DYM: variants seen among roughly 807,000 people sequenced by gnomAD.
DYM encodes dymeclin, also known as dyggve-Melchior-Clausen syndrome protein.
In DYM, 78 loss-of-function variants were observed where a neutral mutation model predicts 93.1. That is an observed-to-expected ratio of 0.84 (90% CI 0.70 to 1.01). DYM has a LOEUF of 1.01. DYM is among the 50% of genes least tolerant of loss of function. The pLI, the probability that DYM is intolerant of heterozygous loss-of-function variation, is 0.00. For synonymous variants in DYM, 321 were observed against 319.7 expected (o/e 1.00, Z -0.04); for missense variants, 789 against 845.0 (o/e 0.93, Z 0.82).
intron 13 of DYM, among the ~76,000 whole-genome samples, chr18:49,237,422 G>C (rs2093904324): frequency 6.6e-6 from 1 of 151,598 alleles, no homozygotes; most frequent in African/African-American, 2.4e-5. Context: ...TTTTTAAATT[G>C]CATATACGCA....
chr18:49,286,653 C>T, intron 8 of DYM, 37 bp from the exon 9 acceptor site: 1 of 1,587,110 alleles, frequency 6.3e-7, no homozygotes, highest in Non-Finnish European at 8.6e-7. Context: ...TGTGCTGCCA[C>T]CAATGAGATG....
intron 9 of DYM, among the ~76,000 whole-genome samples, chr18:49,283,084 G>GTAGTC (rs2095031005): frequency 6.6e-6 from 1 of 152,168 alleles, no homozygotes; most frequent in South Asian, 2.1e-4. Context: ...ACAACATAGT[G>GTAGTC]TAGTCTAGCC....
intron 14 of DYM, among the ~76,000 whole-genome samples, chr18:49,190,551 T>C (rs1404718594): frequency 2.6e-5 from 4 of 152,224 alleles, no homozygotes; most frequent in Non-Finnish European, 5.9e-5. Context: ...GAACTTCCTA[T>C]TGGCATATAG....
chr18:49,343,038 T>C (rs1000846710), intron 6 of DYM, among the ~76,000 whole-genome samples: 2 of 152,226 alleles, frequency 1.3e-5, no homozygotes, highest in African/African-American at 4.8e-5. Context: ...ACAGAATGAT[T>C]TTGTGGGGAG....
At chr18:49,261,488 T>A (rs1335955140) in intron 11 of DYM, among the ~76,000 whole-genome samples, 29 of 152,192 alleles carry the variant, frequency 1.9e-4, no homozygotes, top group Non-Finnish European at 2.8e-4. Flanking sequence ...CTGGCCAACA[T>A]GGTGAAACCC....
intron 2 of DYM, among the ~76,000 whole-genome samples, chr18:49,421,821 G>A (rs2073746563): frequency 6.6e-6 from 1 of 152,192 alleles, no homozygotes; most frequent in Non-Finnish European, 1.5e-5. Flanking sequence ...TGACCTTATG[G>A]AGCTGAAAAC....
chr18:49,135,084 G>A (rs1363847501), intron 15 of DYM, among the ~76,000 whole-genome samples: 2 of 151,912 alleles, frequency 1.3e-5, no homozygotes, highest in African/African-American at 4.8e-5. Context: ...ATCCAGCCTG[G>A]GCAACAAGAG....
At chr18:49,395,481 A>T (rs12607864) in intron 2 of DYM, among the ~76,000 whole-genome samples, 13,843 of 151,834 alleles carry the variant, frequency 0.091, 843 homozygotes, top group East Asian at 0.31. Flanking sequence ...AATACAAAAT[A>T]AGCCAGGTGT....
At chr18:49,110,240 C>T (rs1367652112) in intron 16 of DYM, among the ~76,000 whole-genome samples, 2 of 152,200 alleles carry the variant, frequency 1.3e-5, no homozygotes, top group Non-Finnish European at 2.9e-5. Flanking sequence ...CTTCTTCCAA[C>T]AGTCAATTAT....
At chr18:49,236,830 A>T (rs1328263233) in intron 13 of DYM, among the ~76,000 whole-genome samples, 1 of 152,206 alleles carries the variant, frequency 6.6e-6, no homozygotes, top group Non-Finnish European at 1.5e-5. Context: ...AGATTAGTCC[A>T]AACCATCTGC....
chr18:49,296,639 C>G (rs1015435169), intron 8 of DYM, among the ~76,000 whole-genome samples: 2 of 152,116 alleles, frequency 1.3e-5, no homozygotes, highest in Non-Finnish European at 2.9e-5. Context: ...ATGACTAGAA[C>G]TGACCATTGG....
intron 17 of DYM, among the ~76,000 whole-genome samples, chr18:49,090,126 T>A (rs1000395461): frequency 6.6e-6 from 1 of 152,236 alleles, no homozygotes; most frequent in Non-Finnish European, 1.5e-5. Context: ...CCGGATCCAT[T>A]TATAAGCCTG....
At chr18:49,145,128 T>TAC (rs2084961156) in intron 15 of DYM, among the ~76,000 whole-genome samples, 1 of 112,386 alleles carries the variant, frequency 8.9e-6, no homozygotes, top group African/African-American at 3.7e-5. Context: ...TATATATATA[T>TAC]ATATATAATT....
chr18:49,331,448 T>C (rs1212313541), intron 8 of DYM, among the ~76,000 whole-genome samples: 1 of 152,244 alleles, frequency 6.6e-6, no homozygotes, highest in Non-Finnish European at 1.5e-5. Flanking sequence ...AGAAAGCACT[T>C]AGTGTAATAG....
At chr18:49,224,410 A>G (rs2093461265) in intron 13 of DYM, among the ~76,000 whole-genome samples, 1 of 152,044 alleles carries the variant, frequency 6.6e-6, no homozygotes, top group Non-Finnish European at 1.5e-5. Flanking sequence ...AGTGGCTACA[A>G]TCACCTAGGA....
At chr18:49,301,357 A>G (rs1434965561) in intron 8 of DYM, among the ~76,000 whole-genome samples, 1 of 152,010 alleles carries the variant, frequency 6.6e-6, no homozygotes, top group Non-Finnish European at 1.5e-5. Flanking sequence ...CGTCTCTACT[A>G]AAAATACAAA....
intron 6 of DYM, among the ~76,000 whole-genome samples, chr18:49,353,290 C>T (rs1356067003): frequency 6.6e-6 from 1 of 152,024 alleles, no homozygotes; most frequent in Non-Finnish European, 1.5e-5. Flanking sequence ...ACGGAGAGTT[C>T]TGTCTTCTCA....
intron 5 of DYM, chr18:49,375,633 A>C (rs1464250796): frequency 6.6e-6 from 1 of 152,162 alleles, no homozygotes; most frequent in African/African-American, 2.4e-5. Flanking sequence ...TTAACTATGA[A>C]ATGTAGAATA....
At chr18:49,360,390 C>T (rs369198746) in intron 6 of DYM, among the ~76,000 whole-genome samples, 2 of 151,750 alleles carry the variant, frequency 1.3e-5, no homozygotes, top group East Asian at 1.9e-4. Context: ...TTTGGGAGGC[C>T]GAGGCGGGCA....
Sources: allele counts gnomAD v4.1 joint callset (sites outside exome capture counted in the v4.1 genomes callset), GRCh38; gene constraint gnomAD v4.1.1; transcripts MANE v1.5; gene names NCBI Gene and HGNC (gene_info 2026-07-23, HGNC 2026-07-21).